Variants in LTBP1 observed in about 807,000 individuals in gnomAD.
LTBP1 encodes latent-transforming growth factor beta-binding protein 1.
LTBP1 carries 129 observed loss-of-function variants against 207.6 expected under a neutral mutation model. That is an observed-to-expected ratio of 0.62 (90% CI 0.54 to 0.72). LTBP1 has a LOEUF of 0.72. LTBP1 is among the 30% of genes least tolerant of loss of function. The probability of loss-of-function intolerance (pLI) is 0.00; values close to 1 mark genes in which losing one functional copy is unlikely to be tolerated. For synonymous variants in LTBP1, 963 were observed against 833.7 expected (o/e 1.16, Z -2.67); for missense variants, 2,281 against 2,217.2 (o/e 1.03, Z -0.58).
In LTBP1 at chr2:33,184,646, G is replaced by A. The variant is rs560204680; in HGVS notation, c.1202-2210G>A. Among the ~76,000 whole-genome samples, 4 of 152,194 alleles carry A rather than the reference G, an allele frequency of 2.6e-5. No individual in the cohort carries two copies. The South Asian group carries it at 8.3e-4, about 32-fold the overall frequency. On this transcript the variant is annotated intron_variant, in intron 5 of 33. Transcript: ENST00000404816. ...GCTTATTTGCTGATCTGTGTTTTTAGTTATGTGTTATTTAATTTCTCCATT... is the reference window on the plus strand; with the variant it reads ...GCTTATTTGCTGATCTGTGTTTTTAATTATGTGTTATTTAATTTCTCCATT...
intron 3 of LTBP1, among the ~76,000 whole-genome samples, chr2:33,059,709 A>G (rs936150460): frequency 6.6e-6 from 1 of 151,964 alleles, no homozygotes; most frequent in African/African-American, 2.4e-5. Context: ...GGGAACCATA[A>G]GATGACTTTG....
Position 33,374,064 on chromosome 2 carries a change from C to T in LTBP1, c.4711+8561C>T, listed in dbSNP as rs538718505. 1.5e-4 allele frequency among the ~76,000 whole-genome samples: 23 copies of T among 152,268 alleles called. No homozygotes were observed. The South Asian group carries it at 4.1e-3, about 27-fold the overall frequency. ...CCAAAGATCTCAGGGCAAGAAGTTT[C>T]GTAATGCCCTTGGAGGTGTGAAGGA... is the stretch of plus-strand genomic sequence containing the variant. On this transcript the variant is annotated intron_variant, in intron 31 of 33. Coordinates refer to ENST00000404816, the MANE Select transcript of LTBP1 (RefSeq NM_206943.4).
At chr2:33,222,726 C>T (rs2091193964) in intron 9 of LTBP1, among the ~76,000 whole-genome samples, 1 of 152,188 alleles carries the variant, frequency 6.6e-6, no homozygotes, top group African/African-American at 2.4e-5. Flanking sequence ...AGGAGATTGT[C>T]TGGTACAGTG....
At chr2:32,989,405 T>TCTTA (rs1306471682) in intron 2 of LTBP1, among the ~76,000 whole-genome samples, 1 of 152,238 alleles carries the variant, frequency 6.6e-6, no homozygotes, top group Non-Finnish European at 1.5e-5. Context: ...GTTTTCTACA[T>TCTTA]CTTACATGGT....
chr2:33,354,168 T>C (rs924128909), intron 26 of LTBP1, among the ~76,000 whole-genome samples: 3 of 152,152 alleles, frequency 2.0e-5, no homozygotes, highest in Non-Finnish European at 4.4e-5. Context: ...CGGCCGTGCA[T>C]GTACACATTT....
At chr2:33,277,815 T>TCTCTCTCTCTCTC (rs1558933866) in intron 18 of LTBP1, among the ~76,000 whole-genome samples, 35 of 85,940 alleles carry the variant, frequency 4.1e-4, no homozygotes, top group Middle Eastern at 5.4e-3. Context: ...CTTTCTTTTT[T>TCTCTCTCTCTCTC]TCTTTCTTTC....
intron 2 of LTBP1, among the ~76,000 whole-genome samples, chr2:32,979,675 G>A (rs1308034456): frequency 6.6e-6 from 1 of 152,130 alleles, no homozygotes; most frequent in Admixed American, 6.5e-5. Flanking sequence ...GAAATGTTCT[G>A]TAAATATCCG....
At chr2:33,037,282 C>G (rs1005046186) in intron 3 of LTBP1, among the ~76,000 whole-genome samples, 3 of 152,126 alleles carry the variant, frequency 2.0e-5, no homozygotes, top group Non-Finnish European at 4.4e-5. Context: ...TTTTGAGTAT[C>G]CTTAAGTCAG....
chr2:33,295,679 A>G (rs1039243662), intron 20 of LTBP1, among the ~76,000 whole-genome samples: 4 of 151,930 alleles, frequency 2.6e-5, no homozygotes, highest in African/African-American at 9.7e-5. Flanking sequence ...AAATCTGTGG[A>G]TTTTTTTCTT....
chr2:33,109,587 GT>G (rs1235374180), intron 3 of LTBP1, among the ~76,000 whole-genome samples: 1 of 152,174 alleles, frequency 6.6e-6, no homozygotes. Context: ...GGCCAGGAGG[GT>G]TAGCACATAG....
At chr2:33,010,551 A>C (rs753882295) in intron 2 of LTBP1, among the ~76,000 whole-genome samples, 4 of 152,122 alleles carry the variant, frequency 2.6e-5, no homozygotes, top group Non-Finnish European at 5.9e-5. Context: ...GAAATGATAA[A>C]TATTCGGGGT....
At chr2:33,279,981 A>G (rs1293082516) in intron 18 of LTBP1, 58 bp from the exon 19 acceptor site, 2 of 1,595,552 alleles carry the variant, frequency 1.3e-6, no homozygotes, top group Non-Finnish European at 1.7e-6. Flanking sequence ...ATCACAAAGT[A>G]AGATTTTGCT....
At chr2:33,261,552 A>T (rs2093009283) in intron 13 of LTBP1, among the ~76,000 whole-genome samples, 4 of 108,534 alleles carry the variant, frequency 3.7e-5, no homozygotes, top group Admixed American at 3.6e-4. Flanking sequence ...TATGGATATG[A>T]AAAAGGGTGA....
At chr2:33,391,435 T>C (rs2095313702) in intron 32 of LTBP1, among the ~76,000 whole-genome samples, 1 of 152,072 alleles carries the variant, frequency 6.6e-6, no homozygotes, top group African/African-American at 2.4e-5. Flanking sequence ...CAGTAAACGT[T>C]TACTTAAGAA....
chr2:33,205,650 C>T (rs1272441050), intron 7 of LTBP1, among the ~76,000 whole-genome samples: 1 of 152,160 alleles, frequency 6.6e-6, no homozygotes, highest in Non-Finnish European at 1.5e-5. Flanking sequence ...TTCCCTTTCC[C>T]ATAGCCCCCT....
chr2:32,985,043 A>C (rs2148776983), intron 2 of LTBP1, among the ~76,000 whole-genome samples: 1 of 152,378 alleles, frequency 6.6e-6, no homozygotes, highest in South Asian at 2.1e-4. Context: ...AGTGCTATGT[A>C]GATATTGACT....
intron 3 of LTBP1, among the ~76,000 whole-genome samples, chr2:33,101,122 G>C (rs2079707636): frequency 6.6e-6 from 1 of 152,176 alleles, no homozygotes; most frequent in Non-Finnish European, 1.5e-5. Context: ...ATTTTTCACA[G>C]TGCTTGTAGG....
chr2:33,378,852 C>T (rs1338893095), intron 31 of LTBP1, among the ~76,000 whole-genome samples: 2 of 152,196 alleles, frequency 1.3e-5, no homozygotes, highest in Admixed American at 1.3e-4. Flanking sequence ...ATTTTATTCT[C>T]CTTTTATGCC....
At chr2:32,992,544 C>A (rs2148870300) in intron 2 of LTBP1, among the ~76,000 whole-genome samples, 1 of 152,322 alleles carries the variant, frequency 6.6e-6, no homozygotes, top group Middle Eastern at 3.4e-3. Context: ...CAGGCTTGAT[C>A]TCTCTGCCTC....
Sources: allele counts gnomAD v4.1 joint callset (sites outside exome capture counted in the v4.1 genomes callset), GRCh38; gene constraint gnomAD v4.1.1; transcripts MANE v1.5; gene names NCBI Gene and HGNC (gene_info 2026-07-23, HGNC 2026-07-21).